The following ENDOD1 variants were observed in gnomAD, a reference collection of about 807,000 sequenced individuals.
The protein encoded by ENDOD1 is endonuclease domain-containing 1 protein.
Under a neutral mutation model 6.5 loss-of-function variants are expected in ENDOD1, and 9 were observed. The observed-to-expected ratio is 1.39, with a 90% confidence interval of 0.84 to 2.43. The LOEUF is 2.43. ENDOD1 is among the 30% of genes most tolerant of loss of function. The pLI, the probability that ENDOD1 is intolerant of heterozygous loss-of-function variation, is 0.00. For missense variants in ENDOD1, 648 were observed against 635.5 expected (o/e 1.02, Z -0.21); for synonymous variants, 255 against 255.2 (o/e 1.00, Z 0.01).
intron 1 of ENDOD1, among the ~76,000 whole-genome samples, chr11:95,101,401 G>A (rs567781804): frequency 1.3e-5 from 2 of 152,222 alleles, no homozygotes; most frequent in Admixed American, 6.5e-5. Flanking sequence ...GCAGTAAAAT[G>A]TGCGAACTGT....
At chr11:95,090,796 C>T (rs886950314) in intron 1 of ENDOD1, among the ~76,000 whole-genome samples, 2 of 152,188 alleles carry the variant, frequency 1.3e-5, no homozygotes, top group African/African-American at 4.8e-5. Flanking sequence ...CTAAGTAAAG[C>T]TTCTCTTCTG....
At position 95,129,687 on chromosome 11, in the gene ENDOD1, G is replaced by C; in HGVS notation, c.*108G>C. ...CAGTTATCATTATATTTTGGCCTTT[G>C]GTGGGGATGTCTGCTTGTTTTTGCA... On this transcript the variant is annotated 3_prime_UTR_variant, in exon 2 of 2. Coordinates refer to ENST00000278505, the MANE Select transcript of ENDOD1 (RefSeq NM_015036.3). The C allele has an allele frequency of 8.0e-7, 1 of 1,256,918 alleles. No homozygotes were observed. Among genetic ancestry groups the C allele is most frequent in the African/African-American group, 1.5e-5 (1 of 66,922 alleles). 77.9% of individuals were successfully genotyped at this position (1,256,918 alleles called of 1,614,324 possible).
Position 95,128,931 on chromosome 11 carries a change from G to A in ENDOD1, c.855G>A (p.Val285=). The change falls in exon 2 of 2, where the codon GTG becomes GTA. Residue 285 remains valine (V), a synonymous_variant. Transcript: ENST00000278505. ...DTEKMKKILE[V]VNQIQDEERM... ...AGAAAATGAAAAAAATCCTGGAAGT[G>A]GTTAACCAAATCCAGGATGAAGAAC... The A allele has an allele frequency of 6.2e-7, 1 of 1,614,026 alleles. No homozygotes were observed. Among genetic ancestry groups the A allele is most frequent in the East Asian group, 2.2e-5 (1 of 44,862 alleles).
intron 1 of ENDOD1, among the ~76,000 whole-genome samples, chr11:95,100,552 G>A (rs1280973873): frequency 3.3e-5 from 5 of 152,124 alleles, no homozygotes; most frequent in Non-Finnish European, 4.4e-5. Flanking sequence ...GCAGTGGTGC[G>A]ATCTCAGCTC....
intron 1 of ENDOD1, among the ~76,000 whole-genome samples, chr11:95,110,064 T>TGG (rs1565446248): frequency 6.6e-6 from 1 of 152,250 alleles, no homozygotes; most frequent in African/African-American, 2.4e-5. Context: ...CTGACATCCA[T>TGG]GGGGCCTTTC....
Position 95,102,065 on chromosome 11 carries a change from T to G in ENDOD1, c.300+11838T>G, listed in dbSNP as rs189632166. Among the ~76,000 whole-genome samples the G allele has an allele frequency of 5.1e-4, 78 of 152,294 alleles. 3 individuals are homozygous for G. Among genetic ancestry groups the G allele is most frequent in the Admixed American group, 4.7e-3 (72 of 15,292 alleles). On this transcript the variant is annotated intron_variant, in intron 1 of 1. Transcript: ENST00000278505. ...TTCCCTGTTCCTGCACAGAAGGGCA[T>G]TATCCTTTTCCTCTTAAAGGAGAGG...
At chr11:95,093,362 T>G (rs1858949837) in intron 1 of ENDOD1, among the ~76,000 whole-genome samples, 3 of 152,168 alleles carry the variant, frequency 2.0e-5, no homozygotes, top group Admixed American at 2.0e-4. Flanking sequence ...CAAATTCCCT[T>G]TCTACACAGA....
At chr11:95,112,852 A>G (rs1056527357) in intron 1 of ENDOD1, among the ~76,000 whole-genome samples, 1 of 152,138 alleles carries the variant, frequency 6.6e-6, no homozygotes, top group Non-Finnish European at 1.5e-5. Flanking sequence ...TTAAGTTTGT[A>G]TGTATCTGCC....
intron 1 of ENDOD1, among the ~76,000 whole-genome samples, chr11:95,104,776 A>C (rs1242959222): frequency 6.6e-6 from 1 of 152,168 alleles, no homozygotes; most frequent in East Asian, 1.9e-4. Flanking sequence ...AAAGGGTCCC[A>C]CAGAGTCTTC....
intron 1 of ENDOD1, among the ~76,000 whole-genome samples, chr11:95,098,501 A>G (rs919752466): frequency 6.6e-6 from 1 of 152,180 alleles, no homozygotes; most frequent in Non-Finnish European, 1.5e-5. Context: ...TATTTATTGC[A>G]CATTTAATTC....
chr11:95,100,865 G>GTTTTTTTT (rs34680715), intron 1 of ENDOD1, among the ~76,000 whole-genome samples: 19 of 72,276 alleles, frequency 2.6e-4, no homozygotes, highest in East Asian at 4.8e-4. Context: ...CCTGCTGGGT[G>GTTTTTTTT]TTTTTTTTTT....
intron 1 of ENDOD1, among the ~76,000 whole-genome samples, chr11:95,096,849 T>C (rs1253816381): frequency 6.6e-6 from 1 of 152,110 alleles, no homozygotes; most frequent in African/African-American, 2.4e-5. Context: ...ATAGAGAATA[T>C]AGATTATAAA....
intron 1 of ENDOD1, among the ~76,000 whole-genome samples, chr11:95,090,940 A>G (rs1858925004): frequency 6.6e-6 from 1 of 151,102 alleles, no homozygotes; most frequent in Non-Finnish European, 1.5e-5. Context: ...TAAAAATGAT[A>G]GGGAAACATT....
chr11:95,121,977 G>A (rs1859265905), intron 1 of ENDOD1, among the ~76,000 whole-genome samples: 1 of 152,212 alleles, frequency 6.6e-6, no homozygotes, highest in African/African-American at 2.4e-5. Context: ...AGGAAGATCA[G>A]TGGTGTGTGC....
chr11:95,108,627 C>A (rs1376828915), intron 1 of ENDOD1, among the ~76,000 whole-genome samples: 1 of 152,034 alleles, frequency 6.6e-6, no homozygotes, highest in Non-Finnish European at 1.5e-5. Flanking sequence ...ATGCCAAGCA[C>A]GGAAGATTTT....
At chr11:95,090,461 T>A (rs1391037366) in intron 1 of ENDOD1, among the ~76,000 whole-genome samples, 1 of 8,158 alleles carries the variant, frequency 1.2e-4, no homozygotes, top group African/African-American at 5.8e-4. Flanking sequence ...CTTCACTTCA[T>A]GAGCTGCAGG....
intron 1 of ENDOD1, among the ~76,000 whole-genome samples, chr11:95,117,699 GT>G (rs2134171578): frequency 6.6e-6 from 1 of 152,172 alleles, no homozygotes; most frequent in East Asian, 1.9e-4. Context: ...AATGGGTTTT[GT>G]TTTTACCTCC....
intron 1 of ENDOD1, among the ~76,000 whole-genome samples, chr11:95,108,522 CACACAGACA>C (rs1181249447): frequency 4.0e-5 from 6 of 151,538 alleles, no homozygotes; most frequent in African/African-American, 1.5e-4. Flanking sequence ...CACACACACA[CACACAGACA>C]CCCAAAAAAA....
At chr11:95,127,413 A>G (rs959330283) in intron 1 of ENDOD1, among the ~76,000 whole-genome samples, 3 of 152,256 alleles carry the variant, frequency 2.0e-5, no homozygotes, top group Non-Finnish European at 1.5e-5. Flanking sequence ...ATTGTTAGTC[A>G]TAGCAAATAT....
Sources: gnomAD v4.1 joint callset for allele counts (sites outside exome capture counted in the v4.1 genomes callset) on GRCh38, gnomAD v4.1.1 for gene constraint, MANE v1.5 for transcripts, NCBI Gene and HGNC (gene_info 2026-07-23, HGNC 2026-07-21) for gene names.